Variants in CCDC14 observed in about 807,000 individuals in gnomAD.
The protein encoded by CCDC14 is coiled-coil domain containing 14, also known as coiled-coil domain-containing protein 14.
A neutral mutation model predicts 81.4 loss-of-function variants in CCDC14; 71 were observed. The observed-to-expected ratio is 0.87, with a 90% confidence interval of 0.72 to 1.06. The LOEUF is 1.06. CCDC14 is among the 50% of genes least tolerant of loss of function. The probability of loss-of-function intolerance (pLI) is 0.00; values close to 1 mark genes in which losing one functional copy is unlikely to be tolerated. For synonymous variants in CCDC14, 332 were observed against 364.8 expected (o/e 0.91, Z 1.03); for missense variants, 1,046 against 1,047.3 (o/e 1.00, Z 0.02).
At chr3:123,926,704 G>A (rs1433350636) in intron 12 of CCDC14, among the ~76,000 whole-genome samples, 1 of 151,928 alleles carries the variant, frequency 6.6e-6, no homozygotes, top group East Asian at 1.9e-4. Context: ...TTAAAGGTTG[G>A]AGAAGGAAAA....
chr3:123,887,480 C>CAACA, the CCDC14 span, among the ~76,000 whole-genome samples: 1,560 of 145,136 alleles, frequency 0.011, 23 homozygotes, highest in African/African-American at 0.027. Flanking sequence ...ACAACAACAA[C>CAACA]AAAAAAAAAA....
At chr3:123,889,506 CTAAAATA>C in the CCDC14 span, among the ~76,000 whole-genome samples, 2 of 152,340 alleles carry the variant, frequency 1.3e-5, no homozygotes, top group African/African-American at 4.8e-5. Context: ...TCTTAAAGCT[CTAAAATA>C]ATCTCTTTTG....
At chr3:123,955,191 G>A (rs2037251418) in intron 5 of CCDC14, 1 of 152,128 alleles carries the variant, frequency 6.6e-6, no homozygotes, top group African/African-American at 2.4e-5. Flanking sequence ...TATAGAACTG[G>A]CTAGTCTAAT....
At chr3:123,908,223 G>A (rs759846252) in intron 5 of CCDC14, among the ~76,000 whole-genome samples, 1 of 152,158 alleles carries the variant, frequency 6.6e-6, no homozygotes, top group Non-Finnish European at 1.5e-5. Context: ...CCAAAGCCAC[G>A]TGGCTAGTTC....
the CCDC14 span, among the ~76,000 whole-genome samples, chr3:123,885,244 G>C: frequency 5.9e-5 from 9 of 151,718 alleles, no homozygotes; most frequent in Admixed American, 1.3e-4. Flanking sequence ...CAAATATATA[G>C]ATATATAGAC....
intron 1 of CCDC14, among the ~76,000 whole-genome samples, chr3:123,960,412 G>A (rs534452723): frequency 1.3e-5 from 2 of 152,254 alleles, no homozygotes; most frequent in African/African-American, 2.4e-5. Context: ...ATGGACTCTG[G>A]CATCAGTTTT....
chr3:123,893,083 C>A (rs552606196), downstream of CCDC14, among the ~76,000 whole-genome samples: 15 of 152,328 alleles, frequency 9.8e-5, no homozygotes, highest in African/African-American at 3.4e-4. Flanking sequence ...GTATTACAGG[C>A]ATGAGCCACC....
At position 123,898,884 on chromosome 3, in the gene CCDC14, G is replaced by GTTTTTTT. The variant is rs10675830; in HGVS notation, c.668-1278_668-1272dup. The stretch of plus-strand genomic sequence containing the variant: ...TGTAGGTTTTTTTGTTTGTTTGGTT[G>GTTTTTTT]TTTTTTTTTTTTTTTGGTAGAGATT... On this transcript the variant is annotated intron_variant, in intron 5 of 5. Coordinates refer to the CCDC14 transcript ENST00000479903. 1.4e-5 allele frequency among the ~76,000 whole-genome samples: 2 copies of GTTTTTTT among 139,598 alleles called. 1 individual carries two copies. The highest frequency in any genetic ancestry group is 5.2e-5 in the African/African-American group (2 of 38,110). 91.6% of individuals were successfully genotyped at this position (139,598 alleles called of 152,430 possible).
intron 5 of CCDC14, among the ~76,000 whole-genome samples, chr3:123,906,345 A>G (rs985851186): frequency 1.1e-4 from 16 of 151,114 alleles, no homozygotes; most frequent in Non-Finnish European, 2.4e-4. Context: ...ATAAAAAATT[A>G]AAATAAATAA....
At chr3:123,904,702 A>G (rs944461579) in intron 5 of CCDC14, among the ~76,000 whole-genome samples, 5 of 152,164 alleles carry the variant, frequency 3.3e-5, no homozygotes, top group African/African-American at 1.2e-4. Flanking sequence ...AAAGTTTAAC[A>G]AGATTTTTAT....
intron 7 of CCDC14, 25 bp downstream of exon 7, chr3:123,948,666 T>C (rs1275946559): frequency 9.1e-6 from 14 of 1,530,056 alleles, no homozygotes; most frequent in African/African-American, 1.4e-5. Flanking sequence ...AATAGTTACT[T>C]ATGTAGTATA....
At chr3:123,909,150 G>C (rs529808611), downstream of CCDC14, among the ~76,000 whole-genome samples, 1 of 152,178 alleles carries the variant, frequency 6.6e-6, no homozygotes, top group Admixed American at 6.5e-5. Context: ...TCTGGGCCTA[G>C]AGATCACAGC....
intron 5 of CCDC14, among the ~76,000 whole-genome samples, chr3:123,899,705 T>TC (rs1443787353): frequency 6.6e-6 from 1 of 152,204 alleles, no homozygotes; most frequent in African/African-American, 2.4e-5. Flanking sequence ...ATCAGTCTTG[T>TC]CCCTCTAATC....
chr3:123,944,247 AAC>A (rs2036510651), intron 9 of CCDC14, among the ~76,000 whole-genome samples: 1 of 152,132 alleles, frequency 6.6e-6, no homozygotes, highest in Admixed American at 6.6e-5. Flanking sequence ...GCAGAAGAAA[AAC>A]AGTTTGCTTT....
At chr3:123,919,061 G>C (rs562630378) in intron 12 of CCDC14, among the ~76,000 whole-genome samples, 1 of 151,916 alleles carries the variant, frequency 6.6e-6, no homozygotes, top group Non-Finnish European at 1.5e-5. Flanking sequence ...CTGAGAGGGC[G>C]AGCGGTAACC....
intron 12 of CCDC14, among the ~76,000 whole-genome samples, chr3:123,929,135 G>A (rs868192543): frequency 6.6e-6 from 1 of 152,140 alleles, no homozygotes; most frequent in Non-Finnish European, 1.5e-5. Flanking sequence ...TTGGGGCTAA[G>A]AGTTGCCCCT....
the CCDC14 span, among the ~76,000 whole-genome samples, chr3:123,889,389 G>A: frequency 1.3e-5 from 2 of 152,266 alleles, no homozygotes; most frequent in South Asian, 4.1e-4. Context: ...TCCTGTCTGG[G>A]CAACAGAGGG....
intron 12 of CCDC14, among the ~76,000 whole-genome samples, chr3:123,918,617 G>A (rs1158873383): frequency 6.6e-6 from 1 of 152,160 alleles, no homozygotes; most frequent in African/African-American, 2.4e-5. Context: ...ACAGAGAGGA[G>A]TCCCCTGGGC....
chr3:123,892,650 C>G (rs1442000719), downstream of CCDC14, among the ~76,000 whole-genome samples: 1 of 152,124 alleles, frequency 6.6e-6, no homozygotes, highest in African/African-American at 2.4e-5. Flanking sequence ...AAATCCACCC[C>G]CATGATCCAA....
Sources: gnomAD v4.1 joint callset for allele counts (sites outside exome capture counted in the v4.1 genomes callset) on GRCh38, gnomAD v4.1.1 for gene constraint, MANE v1.5 for transcripts, NCBI Gene and HGNC (gene_info 2026-07-23, HGNC 2026-07-21) for gene names.